Variants in PLPP4 observed in about 807,000 individuals in gnomAD.
PLPP4 encodes diacylglycerol pyrophosphate like 2.
PLPP4 carries 20 observed loss-of-function variants against 32.2 expected under a neutral mutation model. That is an observed-to-expected ratio of 0.62 (90% CI 0.44 to 0.90). The LOEUF (loss-of-function observed/expected upper bound fraction) is 0.90. PLPP4 is among the 40% of genes least tolerant of loss of function. The probability of loss-of-function intolerance (pLI) is 0.00; values close to 1 mark genes in which losing one functional copy is unlikely to be tolerated. For missense variants in PLPP4, 257 were observed against 353.1 expected (o/e 0.73, Z 2.18); for synonymous variants, 127 against 133.0 (o/e 0.95, Z 0.31).
chr10:120,471,683 T>G (rs1589720939), intron 1 of PLPP4, among the ~76,000 whole-genome samples: 2 of 152,108 alleles, frequency 1.3e-5, no homozygotes, highest in African/African-American at 4.8e-5. Context: ...CTTTTAACTT[T>G]ATCTGTCTAG....
intron 5 of PLPP4, among the ~76,000 whole-genome samples, chr10:120,569,829 G>A (rs918536603): frequency 9.9e-5 from 15 of 152,222 alleles, no homozygotes; most frequent in African/African-American, 3.4e-4. Flanking sequence ...TTGTCAGGCA[G>A]TGTGTTCGGT....
chr10:120,550,457 G>A (rs1408374578), intron 5 of PLPP4, among the ~76,000 whole-genome samples: 1 of 151,800 alleles, frequency 6.6e-6, no homozygotes, highest in African/African-American at 2.4e-5. Flanking sequence ...AAAATCCAAA[G>A]GACCTAGGAT....
chr10:120,582,023 G>A (rs1034123453), intron 6 of PLPP4, among the ~76,000 whole-genome samples: 5 of 152,270 alleles, frequency 3.3e-5, no homozygotes, highest in East Asian at 1.9e-4. Context: ...GTAAAGGAAC[G>A]TGTTCACTTA....
chr10:120,463,812 G>T (rs952912622), intron 1 of PLPP4, among the ~76,000 whole-genome samples: 1 of 151,264 alleles, frequency 6.6e-6, no homozygotes, highest in Non-Finnish European at 1.5e-5. Context: ...GGCCCCAGAG[G>T]ATTCTTTTTT....
chr10:120,462,225 T>G, intron 1 of PLPP4, among the ~76,000 whole-genome samples: 1 of 144,482 alleles, frequency 6.9e-6, no homozygotes, highest in African/African-American at 2.6e-5. Flanking sequence ...AGTGTGGGCT[T>G]TGGGGTGGGT....
rs1035562788 is a variant in PLPP4, at chr10:120,589,712, C to T, written c.*210C>T. ...ATTTGCAAGTGAAGGACAACAATCT[C>T]TGAGAGACGTGTGGAAGAGGCTGTG... On this transcript the variant is annotated 3_prime_UTR_variant, in exon 7 of 7. Transcript: ENST00000398250. The T allele has an allele frequency of 2.7e-5, 15 of 556,262 alleles. No individual in the cohort carries two copies. The Admixed American group carries it at 4.5e-4, about 17-fold the overall frequency. 34.5% of individuals were successfully genotyped at this position (556,262 alleles called of 1,614,324 possible).
intron 2 of PLPP4, among the ~76,000 whole-genome samples, chr10:120,506,151 C>A (rs1429868105): frequency 6.6e-6 from 1 of 152,206 alleles, no homozygotes; most frequent in Non-Finnish European, 1.5e-5. Context: ...GAAGGATATT[C>A]AGCTACACAT....
chr10:120,575,453 C>A, intron 6 of PLPP4, 152 bp downstream of exon 6: 1 of 806,396 alleles, frequency 1.2e-6, no homozygotes, highest in Non-Finnish European at 1.9e-6. Flanking sequence ...AATTTTGAAG[C>A]AAATATGCTG....
At chr10:120,503,681 C>T (rs984897189) in intron 1 of PLPP4, 137 bp from the exon 2 acceptor site, 7 of 1,590,178 alleles carry the variant, frequency 4.4e-6, no homozygotes, top group African/African-American at 4.0e-5. Flanking sequence ...TGAGAACTGA[C>T]AGCAGGGCCT....
chr10:120,582,548 T>TAGGA (rs1849557481), intron 6 of PLPP4, among the ~76,000 whole-genome samples: 1 of 140,564 alleles, frequency 7.1e-6, no homozygotes, highest in Non-Finnish European at 1.6e-5. Flanking sequence ...TCCTAGGGAC[T>TAGGA]AGGACTTCAG....
intron 5 of PLPP4, among the ~76,000 whole-genome samples, chr10:120,574,189 CT>C (rs1849099097): frequency 2.3e-5 from 3 of 129,646 alleles, no homozygotes; most frequent in African/African-American, 9.5e-5. Flanking sequence ...CTCTCTCTCT[CT>C]CTCTCTCTCT....
At chr10:120,490,413 C>T (rs1165615044) in intron 1 of PLPP4, among the ~76,000 whole-genome samples, 2 of 152,234 alleles carry the variant, frequency 1.3e-5, no homozygotes, top group Non-Finnish European at 2.9e-5. Context: ...GCTTAAAAAA[C>T]AGCCCCTGCC....
At chr10:120,571,093 CGTGTGTGT>C (rs60011757) in intron 5 of PLPP4, among the ~76,000 whole-genome samples, 20 of 144,660 alleles carry the variant, frequency 1.4e-4, no homozygotes, top group Middle Eastern at 3.4e-3. Flanking sequence ...AGTAAAGGGG[CGTGTGTGT>C]GTGTGTGTGT....
At chr10:120,574,188 T>A (rs868018235) in intron 5 of PLPP4, among the ~76,000 whole-genome samples, 2,242 of 131,128 alleles carry the variant, frequency 0.017, 16 homozygotes, top group South Asian at 0.046. Context: ...TCTCTCTCTC[T>A]CTCTCTCTCT....
chr10:120,566,543 C>A (rs1183707677), intron 5 of PLPP4, among the ~76,000 whole-genome samples: 1 of 141,038 alleles, frequency 7.1e-6, no homozygotes, highest in African/African-American at 2.6e-5. Flanking sequence ...CCTACTTATT[C>A]TTTTTTTTTT....
At chr10:120,571,898 A>G (rs1848958149) in intron 5 of PLPP4, among the ~76,000 whole-genome samples, 3 of 152,232 alleles carry the variant, frequency 2.0e-5, no homozygotes, top group Non-Finnish European at 4.4e-5. Context: ...CAATAACAGT[A>G]TAAATATCAG....
chr10:120,517,810 C>G (rs1386042020), intron 3 of PLPP4, among the ~76,000 whole-genome samples: 4 of 152,198 alleles, frequency 2.6e-5, no homozygotes, highest in Non-Finnish European at 1.5e-5. Context: ...CATAGAACAA[C>G]ACGTTTGTCT....
At chr10:120,520,877 A>C in intron 4 of PLPP4, 94 bp from the exon 5 acceptor site, 8 of 1,471,722 alleles carry the variant, frequency 5.4e-6, no homozygotes, top group Admixed American at 1.8e-5. Context: ...GGCTGAGGAA[A>C]GAGCTGGGGG....
intron 1 of PLPP4, among the ~76,000 whole-genome samples, chr10:120,501,855 A>C (rs1589775567): frequency 6.6e-6 from 1 of 152,296 alleles, no homozygotes; most frequent in South Asian, 2.1e-4. Context: ...CTCAAATTGA[A>C]GTCTCTGATT....
Sources: allele counts gnomAD v4.1 joint callset (sites outside exome capture counted in the v4.1 genomes callset), GRCh38; gene constraint gnomAD v4.1.1; transcripts MANE v1.5; gene names NCBI Gene and HGNC (gene_info 2026-07-23, HGNC 2026-07-21).